MOBP: variants seen among roughly 807,000 people sequenced by gnomAD.
MOBP encodes myelin-associated oligodendrocyte basic protein.
MOBP carries 5 observed loss-of-function variants against 15.0 expected under a neutral mutation model. That is an observed-to-expected ratio of 0.33 (90% CI 0.17 to 0.70). The LOEUF is 0.70. Ranked by LOEUF, MOBP falls within the 30% of genes least tolerant of loss-of-function variation. MOBP has a pLI of 0.67. For synonymous variants in MOBP, 88 were observed against 99.0 expected (o/e 0.89, Z 0.66); for missense variants, 188 against 257.8 (o/e 0.73, Z 1.85).
chr3:39,477,099 G>A (rs190011560), intron 1 of MOBP, among the ~76,000 whole-genome samples: 71 of 152,144 alleles, frequency 4.7e-4, no homozygotes, highest in African/African-American at 1.6e-3. Context: ...CTATTCTAGG[G>A]TGAGAGCTTT....
chr3:39,509,751 T>TA (rs2043095688), intron 4 of MOBP, among the ~76,000 whole-genome samples: 1 of 152,068 alleles, frequency 6.6e-6, no homozygotes, highest in African/African-American at 2.4e-5. Context: ...TCTTTAAAAA[T>TA]AAAAAATTAT....
In MOBP at chr3:39,502,384, G is replaced by A. The variant is rs761053228; in HGVS notation, c.206+109G>A. ...CACTCTTCCCCCTAGTCGGCTCCGG[G>A]TTAGGCTCCGACACCGGAAGGCACT... On this transcript the variant is annotated intron_variant, in intron 3 of 3. Coordinates refer to ENST00000684792, the MANE Select transcript of MOBP (RefSeq NM_001393704.1). The surrounding 1 kb of genome is among the most constrained non-coding windows in gnomAD (Gnocchi z 6.3). 26 of 1,547,218 alleles carry A rather than the reference G, an allele frequency of 1.7e-5. 1 individual carries two copies. In the South Asian group the frequency reaches 2.0e-4, roughly 12 times the overall value.
At chr3:39,496,466 T>C (rs1231780489) in intron 2 of MOBP, among the ~76,000 whole-genome samples, 3 of 151,746 alleles carry the variant, frequency 2.0e-5, no homozygotes, top group Admixed American at 2.0e-4. Flanking sequence ...CCCAAAGTGC[T>C]GGGATTACAG....
In MOBP at chr3:39,469,136, GTA is replaced by G. The variant is rs1225213467; in HGVS notation, c.-89+1401_-89+1402del. On this transcript the variant is annotated intron_variant, in intron 1 of 3. Transcript: ENST00000684792. The stretch of plus-strand genomic sequence containing the variant: ...TATATACATATATACATATGTGTGT[GTA>G]TATACATATATACATATGTGTGTGT... 1.0e-4 allele frequency among the ~76,000 whole-genome samples: 5 copies of G among 50,088 alleles called. 2 individuals are homozygous for G. Among genetic ancestry groups the G allele is most frequent in the Non-Finnish European group, 1.6e-4 (5 of 30,824 alleles). The allele number at this position is 50,088 out of a possible 152,430, so 32.9% of individuals were successfully genotyped here.
chr3:39,507,321 C>G (rs560563980), downstream of MOBP, among the ~76,000 whole-genome samples: 113 of 152,326 alleles, frequency 7.4e-4, no homozygotes, highest in Non-Finnish European at 1.4e-3. Context: ...AACCTAAGCA[C>G]ATTGTAACTT....
At chr3:39,497,573 T>C (rs2042904865) in intron 2 of MOBP, among the ~76,000 whole-genome samples, 1 of 152,244 alleles carries the variant, frequency 6.6e-6, no homozygotes, top group Non-Finnish European at 1.5e-5. Context: ...TTCAAATCCC[T>C]TGCTGCCTCT....
At chr3:39,489,743 A>G (rs778451316) in intron 2 of MOBP, among the ~76,000 whole-genome samples, 1 of 151,940 alleles carries the variant, frequency 6.6e-6, no homozygotes, top group Non-Finnish European at 1.5e-5. Flanking sequence ...GAGGTGACTG[A>G]GGATAACAGA....
downstream of MOBP, among the ~76,000 whole-genome samples, chr3:39,519,731 C>T (rs556949543): frequency 3.9e-5 from 6 of 152,030 alleles, no homozygotes; most frequent in Non-Finnish European, 5.9e-5. Context: ...TTTCCTAAAC[C>T]GCAGCTTCTT....
intron 3 of MOBP, among the ~76,000 whole-genome samples, chr3:39,521,400 G>A (rs1342374088): frequency 6.6e-6 from 1 of 152,216 alleles, no homozygotes; most frequent in African/African-American, 2.4e-5. Context: ...TCAGGCTTGT[G>A]TGTGTATGTG....
At chr3:39,482,590 T>C (rs1377568165) in intron 2 of MOBP, among the ~76,000 whole-genome samples, 19 of 147,514 alleles carry the variant, frequency 1.3e-4, no homozygotes, top group Admixed American at 1.2e-3. Context: ...AGGTGGAGCT[T>C]GCAGTGAGCA....
intron 3 of MOBP, among the ~76,000 whole-genome samples, chr3:39,521,398 G>T (rs1268883771): frequency 6.6e-6 from 1 of 152,212 alleles, no homozygotes; most frequent in Non-Finnish European, 1.5e-5. Flanking sequence ...AATCAGGCTT[G>T]TGTGTGTATG....
intron 1 of MOBP, among the ~76,000 whole-genome samples, chr3:39,478,689 A>C (rs185452461): frequency 8.8e-4 from 134 of 152,238 alleles, no homozygotes; most frequent in African/African-American, 3.2e-3. Context: ...CCTTTCTCTC[A>C]AGGATCATAG....
chr3:39,498,681 GT>G (rs1482854383), intron 2 of MOBP, among the ~76,000 whole-genome samples: 1 of 152,192 alleles, frequency 6.6e-6, no homozygotes, highest in Non-Finnish European at 1.5e-5. Context: ...AGGTGGTTGT[GT>G]TAGGAATGGC....
downstream of MOBP, among the ~76,000 whole-genome samples, chr3:39,518,910 G>A (rs2043233588): frequency 6.6e-6 from 1 of 152,196 alleles, no homozygotes; most frequent in South Asian, 2.1e-4. Flanking sequence ...GCATAGTGGG[G>A]ATTAGAACAC....
chr3:39,471,853 T>C (rs929464799), intron 1 of MOBP, among the ~76,000 whole-genome samples: 4 of 152,158 alleles, frequency 2.6e-5, no homozygotes, highest in Non-Finnish European at 5.9e-5. Context: ...GCAACAGGTG[T>C]GTGGAGGCAT....
chr3:39,500,034 C>G (rs567268424), intron 2 of MOBP: 23 of 456,130 alleles, frequency 5.0e-5, no homozygotes, highest in Admixed American at 4.0e-4. Flanking sequence ...GTATGACACT[C>G]ACTGATGTCT....
At chr3:39,523,220 T>C (rs1052042281) in intron 3 of MOBP, among the ~76,000 whole-genome samples, 1 of 152,240 alleles carries the variant, frequency 6.6e-6, no homozygotes, top group African/African-American at 2.4e-5. Context: ...ATTTTTCCTC[T>C]GCCCTGAGCA....
intron 1 of MOBP, among the ~76,000 whole-genome samples, chr3:39,476,385 A>T (rs2042546293): frequency 1.3e-5 from 2 of 152,202 alleles, no homozygotes; most frequent in South Asian, 4.1e-4. Flanking sequence ...CATCAGACAG[A>T]GCTAGGAAAT....
At chr3:39,525,736 T>G (rs1442810469), downstream of MOBP, 1 of 152,954 alleles carries the variant, frequency 6.5e-6, no homozygotes, top group African/African-American at 2.4e-5. Flanking sequence ...TAGATCCAGA[T>G]GAGATACAGC....
Sources: allele counts gnomAD v4.1 joint callset (sites outside exome capture counted in the v4.1 genomes callset), GRCh38; gene constraint gnomAD v4.1.1; non-coding constraint Gnocchi (gnomAD v3.1); transcripts MANE v1.5; gene names NCBI Gene and HGNC (gene_info 2026-07-23, HGNC 2026-07-21).